Variants in LRMDA observed in about 807,000 individuals in gnomAD.
LRMDA encodes leucine rich melanocyte differentiation associated.
A neutral mutation model predicts 29.8 loss-of-function variants in LRMDA; 18 were observed. That is an observed-to-expected ratio of 0.60 (90% CI 0.42 to 0.90). The LOEUF is 0.90. LRMDA is among the 40% of genes least tolerant of loss of function. The pLI is 0.00. For missense variants in LRMDA, 273 were observed against 273.9 expected (o/e 1.00, Z 0.02); for synonymous variants, 125 against 109.4 (o/e 1.14, Z -0.89).
In LRMDA at chr10:75,584,781, A is replaced by G. The variant is rs543487050; in HGVS notation, c.131+146287A>G. Among the ~76,000 whole-genome samples the G allele has an allele frequency of 5.9e-5, 9 of 152,320 alleles. No individual in the cohort carries two copies. The South Asian group carries it at 1.9e-3, about 32-fold the overall frequency. ...AACTAATGGCCAACAGCATTCTGAC[A>G]GTGCTTGCTGACAGGCGATAATGAG... On this transcript the variant is annotated intron_variant, in intron 2 of 6. Transcript: ENST00000611255.
At chr10:75,845,823 T>C (rs893155519) in intron 2 of LRMDA, among the ~76,000 whole-genome samples, 22 of 152,096 alleles carry the variant, frequency 1.4e-4, no homozygotes, top group African/African-American at 5.1e-4. Flanking sequence ...GTTGCATCCT[T>C]TAATAAAAGA....
At chr10:75,558,533 GT>G (rs1395953194) in intron 2 of LRMDA, among the ~76,000 whole-genome samples, 2 of 151,390 alleles carry the variant, frequency 1.3e-5, no homozygotes, top group Non-Finnish European at 2.9e-5. Flanking sequence ...TTATTTTTTT[GT>G]TTTTTTATTA....
At chr10:76,534,555 A>C (rs1393653579) in intron 6 of LRMDA, among the ~76,000 whole-genome samples, 1 of 152,154 alleles carries the variant, frequency 6.6e-6, no homozygotes, top group East Asian at 1.9e-4. Flanking sequence ...GTAAACTTCT[A>C]TTGTGTTGGG....
intron 2 of LRMDA, among the ~76,000 whole-genome samples, chr10:75,821,157 C>G (rs1208150825): frequency 6.6e-6 from 1 of 152,158 alleles, no homozygotes; most frequent in African/African-American, 2.4e-5. Context: ...CTTCCTTACT[C>G]ATTCTATGAA....
intron 5 of LRMDA, among the ~76,000 whole-genome samples, chr10:76,075,365 C>T (rs963312047): frequency 6.6e-6 from 1 of 152,212 alleles, no homozygotes; most frequent in Admixed American, 6.5e-5. Context: ...AGTAAAGAGG[C>T]AGCAAGAGAG....
At position 76,532,615 on chromosome 10, in the gene LRMDA, C is replaced by A. The variant is rs189373922; in HGVS notation, c.602-24594C>A. ...ATGGGTAGTGCACAGAAAGAGAAAA[C>A]AAGGAACCATTAATTCTGCCAAGGG... On this transcript the variant is annotated intron_variant, in intron 6 of 6. Transcript: ENST00000611255. Among the ~76,000 whole-genome samples the A allele has an allele frequency of 7.5e-3, 1,148 of 152,258 alleles. 11 individuals carry two copies. The highest frequency in any genetic ancestry group is 0.026 in the African/African-American group (1,073 of 41,542).
At chr10:75,477,509 A>C (rs1589154905) in intron 2 of LRMDA, among the ~76,000 whole-genome samples, 1 of 152,178 alleles carries the variant, frequency 6.6e-6, no homozygotes, top group African/African-American at 2.4e-5. Flanking sequence ...CTACATGTTC[A>C]AGGCTCACTC....
At chr10:75,518,388 G>A (rs549789600) in intron 2 of LRMDA, among the ~76,000 whole-genome samples, 17 of 152,132 alleles carry the variant, frequency 1.1e-4, no homozygotes, top group Non-Finnish European at 2.2e-4. Context: ...GCCTGTTATT[G>A]TTCTATTAAG....
At chr10:75,640,561 G>A (rs867589694) in intron 2 of LRMDA, among the ~76,000 whole-genome samples, 3 of 152,064 alleles carry the variant, frequency 2.0e-5, no homozygotes, top group Admixed American at 6.5e-5. Context: ...ACGTGTAATC[G>A]AATTATGCAT....
chr10:75,536,638 G>A (rs1839953209), intron 2 of LRMDA, among the ~76,000 whole-genome samples: 2 of 152,098 alleles, frequency 1.3e-5, no homozygotes, highest in African/African-American at 4.8e-5. Flanking sequence ...ATCATAGCTC[G>A]CTGTATACTT....
chr10:75,436,586 G>C lies in LRMDA; in HGVS notation c.31-1808G>C, dbSNP rs147745861. Among the ~76,000 whole-genome samples the C allele has an allele frequency of 6.8e-3, 1,033 of 151,984 alleles. 14 individuals are homozygous for C. Among genetic ancestry groups the C allele is most frequent in the African/African-American group, 0.022 (922 of 41,454 alleles). On this transcript the variant is annotated intron_variant, in intron 1 of 6. Coordinates refer to ENST00000611255, the MANE Select transcript of LRMDA (RefSeq NM_001305581.2). ...GGGTTCACACCATTCTCCTACCCTAGCCTCCTGAGTAGCTGGGACTACAGG... is the reference window on the plus strand; with the variant it reads ...GGGTTCACACCATTCTCCTACCCTACCCTCCTGAGTAGCTGGGACTACAGG...
intron 5 of LRMDA, among the ~76,000 whole-genome samples, chr10:76,172,633 A>G (rs1235009424): frequency 6.6e-6 from 1 of 152,210 alleles, no homozygotes; most frequent in Admixed American, 6.5e-5. Context: ...AAAGGAGCAG[A>G]TGGAGCACCC....
intron 5 of LRMDA, among the ~76,000 whole-genome samples, chr10:76,155,847 G>A (rs1850527702): frequency 6.6e-6 from 1 of 152,172 alleles, no homozygotes; most frequent in African/African-American, 2.4e-5. Context: ...CAGAGTCATT[G>A]ATTATGGAGT....
At chr10:75,503,719 T>C (rs748861121) in intron 2 of LRMDA, among the ~76,000 whole-genome samples, 15 of 152,086 alleles carry the variant, frequency 9.9e-5, no homozygotes, top group Admixed American at 9.2e-4. Flanking sequence ...CTCTGGGATT[T>C]TTTTTGATAT....
chr10:76,035,749 G>A (rs1848230698), intron 2 of LRMDA, among the ~76,000 whole-genome samples: 1 of 152,148 alleles, frequency 6.6e-6, no homozygotes, highest in Non-Finnish European at 1.5e-5. Flanking sequence ...CTTTGTTTTG[G>A]ATCCTGGCTA....
chr10:75,818,432 C>A (rs1844097387), intron 2 of LRMDA, among the ~76,000 whole-genome samples: 1 of 152,210 alleles, frequency 6.6e-6, no homozygotes, highest in South Asian at 2.1e-4. Context: ...TAGATCATGT[C>A]ATTCTCACTT....
chr10:76,025,562 T>A (rs16932809), intron 2 of LRMDA, among the ~76,000 whole-genome samples: 2,805 of 152,048 alleles, frequency 0.018, 95 homozygotes, highest in African/African-American at 0.064. Flanking sequence ...ATCATTTGTA[T>A]CCCCAGATGC....
At chr10:76,121,296 T>C (rs980603155) in intron 5 of LRMDA, among the ~76,000 whole-genome samples, 1 of 152,120 alleles carries the variant, frequency 6.6e-6, no homozygotes, top group Non-Finnish European at 1.5e-5. Flanking sequence ...ATTAATGAGA[T>C]ACTCTAGTTA....
chr10:75,561,855 T>G (rs1024151927), intron 2 of LRMDA, among the ~76,000 whole-genome samples: 1 of 152,162 alleles, frequency 6.6e-6, no homozygotes, highest in East Asian at 1.9e-4. Flanking sequence ...GTGAGTTTCT[T>G]AATCCTGAGT....
Sources: gnomAD v4.1 joint callset for allele counts (sites outside exome capture counted in the v4.1 genomes callset) on GRCh38, gnomAD v4.1.1 for gene constraint, MANE v1.5 for transcripts, NCBI Gene and HGNC (gene_info 2026-07-23, HGNC 2026-07-21) for gene names.